Variants in ITGAV observed in about 807,000 individuals in gnomAD.
The protein encoded by ITGAV is integrin subunit alpha V, also known as integrin alpha-V.
In ITGAV, 76 loss-of-function variants were observed where a neutral mutation model predicts 143.8. The observed-to-expected ratio is 0.53, with a 90% confidence interval of 0.44 to 0.64. The LOEUF is 0.64. ITGAV is among the 30% of genes least tolerant of loss of function. ITGAV has a pLI of 0.00. For missense variants in ITGAV, 1,193 were observed against 1,274.7 expected, an observed-to-expected ratio of 0.94 and a Z score of 0.98; for synonymous variants, 453 against 446.7, an observed-to-expected ratio of 1.01 and a Z score of -0.18.
chr2:186,604,234 A>G (rs770313509), intron 2 of ITGAV, among the ~76,000 whole-genome samples: 4 of 151,898 alleles, frequency 2.6e-5, no homozygotes, highest in Non-Finnish European at 5.9e-5. Flanking sequence ...CTATATATGT[A>G]TGCATCCTTG....
In ITGAV at chr2:186,677,360, T is replaced by A; in HGVS notation, c.*68T>A. The A allele has an allele frequency of 8.2e-7, 1 of 1,220,848 alleles. No homozygotes were observed. The highest frequency in any genetic ancestry group is 1.3e-5 in the South Asian group (1 of 76,172). 75.6% of individuals were successfully genotyped at this position (1,220,848 alleles called of 1,614,324 possible). ...AGCAACTTTATTATAGATTTAAACT[T>A]TCTTCATGAGGAGTAAAAATCCAAG... On this transcript the variant is annotated 3_prime_UTR_variant, in exon 30 of 30. Coordinates refer to ENST00000261023, the MANE Select transcript of ITGAV (RefSeq NM_002210.5).
rs201615664 is a variant in ITGAV at position 186,633,304 on chromosome 2, C to A, written c.586-25C>A. On this transcript the variant is annotated intron_variant, in intron 5 of 29. Coordinates refer to ENST00000261023, the MANE Select transcript of ITGAV (RefSeq NM_002210.5). ...AGATATTTGTTCTTTAAATATATAT[C>A]TTTTTGTTGTGTGATTTCATCTAGG... 186 of 1,506,912 alleles carry A rather than the reference C, an allele frequency of 1.2e-4. 2 individuals carry two copies. In the East Asian group the frequency reaches 3.7e-3, roughly 30 times the overall value. The allele number at this position is 1,506,912 out of a possible 1,614,324, so 93.3% of individuals were successfully genotyped here.
rs1686608691 is a variant in ITGAV at position 186,591,299 on chromosome 2, G to A, written c.185+776G>A. Reference sequence around the variant, plus strand: ...AGTTGCCAACGTTCCGCGTTGCAAGGGCCGTCAGGATTTATAACAGTTATT... The same window carrying A: ...AGTTGCCAACGTTCCGCGTTGCAAGAGCCGTCAGGATTTATAACAGTTATT... On this transcript the variant is annotated intron_variant, in intron 1 of 29. Coordinates refer to ENST00000261023, the MANE Select transcript of ITGAV (RefSeq NM_002210.5). Among the ~76,000 whole-genome samples, 4 of 152,212 alleles carry A rather than the reference G, an allele frequency of 2.6e-5. No individual in the cohort carries two copies. In the South Asian group the frequency reaches 8.3e-4, roughly 32 times the overall value.
At chr2:186,664,783 A>G in intron 20 of ITGAV, 142 bp downstream of exon 20, 1 of 1,020,528 alleles carries the variant, frequency 9.8e-7, no homozygotes, top group Non-Finnish European at 1.4e-6. Flanking sequence ...CCTATCTTAC[A>G]TAATTCCTTT....
chr2:186,653,313 T>C (rs908593899), intron 15 of ITGAV, among the ~76,000 whole-genome samples: 3 of 152,146 alleles, frequency 2.0e-5, no homozygotes, highest in Non-Finnish European at 2.9e-5. Context: ...AATATAAATA[T>C]AAAACTAATG....
At chr2:186,590,609 G>A in intron 1 of ITGAV, 86 bp downstream of exon 1, 2 of 1,239,498 alleles carry the variant, frequency 1.6e-6, no homozygotes, top group South Asian at 1.5e-5. Context: ...ATTGATTTCC[G>A]AGAGATCCCG....
Position 186,680,738 on chromosome 2 carries a change from A to G in ITGAV, c.*3446A>G, listed in dbSNP as rs1689328563. 1 of 152,644 alleles carries G rather than the reference A, an allele frequency of 6.6e-6. No individual in the cohort carries two copies. The highest frequency in any genetic ancestry group is 1.5e-5 in the Non-Finnish European group (1 of 68,026). The allele number at this position is 152,644 out of a possible 1,614,324, so 9.5% of individuals were successfully genotyped here. ...TTTGCTACCTAATAACATAGAAAGT[A>G]AATATCTTTGTGGTCACCCACATTG... On this transcript the variant is annotated 3_prime_UTR_variant, in exon 30 of 30. Coordinates refer to ENST00000261023, the MANE Select transcript of ITGAV (RefSeq NM_002210.5).
intron 17 of ITGAV, among the ~76,000 whole-genome samples, chr2:186,656,930 TC>T (rs1390835631): frequency 6.6e-6 from 1 of 151,508 alleles, no homozygotes. Context: ...AGGGGAGCAA[TC>T]CAGTATGGGC....
chr2:186,674,598 G>GC (rs944771111), intron 26 of ITGAV, among the ~76,000 whole-genome samples: 1 of 151,586 alleles, frequency 6.6e-6, no homozygotes, highest in Non-Finnish European at 1.5e-5. Context: ...TGCAACTTCT[G>GC]CCCCCCAGGT....
At chr2:186,597,663 T>C (rs1686782512) in intron 1 of ITGAV, among the ~76,000 whole-genome samples, 1 of 152,162 alleles carries the variant, frequency 6.6e-6, no homozygotes, top group Non-Finnish European at 1.5e-5. Flanking sequence ...TACCAGTCCA[T>C]AGCCTGTTAG....
intron 24 of ITGAV, chr2:186,668,478 A>T: frequency 3.2e-6 from 1 of 311,040 alleles, no homozygotes; most frequent in Non-Finnish European, 6.0e-6. Context: ...ACCTCAAGAG[A>T]TCCGCCCGCC....
intron 12 of ITGAV, among the ~76,000 whole-genome samples, chr2:186,646,011 T>TTAAG (rs1378556818): frequency 1.2e-4 from 18 of 151,792 alleles, no homozygotes; most frequent in Non-Finnish European, 2.9e-5. Flanking sequence ...AAAAGGCTGT[T>TTAAG]TAAGTGCAAA....
intron 2 of ITGAV, among the ~76,000 whole-genome samples, chr2:186,617,390 G>A (rs1687394549): frequency 6.6e-6 from 1 of 152,200 alleles, no homozygotes; most frequent in South Asian, 2.1e-4. Flanking sequence ...AAAAGAGTTG[G>A]CTGCTAATAA....
chr2:186,633,198 A>G (rs1042034548), intron 5 of ITGAV, 131 bp from the exon 6 acceptor site: 6 of 384,702 alleles, frequency 1.6e-5, no homozygotes, highest in African/African-American at 1.1e-4. Flanking sequence ...TGGTAATGAT[A>G]TAAAGATACA....
chr2:186,590,132 C>T lies in ITGAV; in HGVS notation c.-207C>T, dbSNP rs561384623. 4.4e-5 allele frequency: 19 copies of T among 434,130 alleles called. No individual in the cohort carries two copies. Among genetic ancestry groups the T allele is most frequent in the African/African-American group, 3.3e-4 (16 of 48,152 alleles). 26.9% of individuals were successfully genotyped at this position (434,130 alleles called of 1,614,324 possible). A position where few individuals can be genotyped will look rare whatever the true frequency, so the allele number is the denominator to read the frequency against. The stretch of plus-strand genomic sequence containing the variant: ...GGACCGTCTGCGCTGCTGTCCCCGC[C>T]CCGCGCGCTCTGCGCCCCTCGTCCC... On this transcript the variant is annotated 5_prime_UTR_variant, in exon 1 of 30. Coordinates refer to ENST00000261023, the MANE Select transcript of ITGAV (RefSeq NM_002210.5).
At chr2:186,656,808 G>A (rs1472891257) in intron 17 of ITGAV, among the ~76,000 whole-genome samples, 1 of 152,180 alleles carries the variant, frequency 6.6e-6, no homozygotes, top group Admixed American at 6.5e-5. Context: ...GAGAGGGCAG[G>A]TGGTAATTGC....
Position 186,675,636 on chromosome 2 carries a change from C to T in ITGAV, c.2739C>T (p.Val913=), listed in dbSNP as rs1689185992. 6.2e-7 allele frequency: 1 copy of T among 1,614,000 alleles called. No homozygotes were observed. The highest frequency in any genetic ancestry group is 8.5e-7 in the Non-Finnish European group (1 of 1,179,918). ...GAGTTGCTCAGTGCTTGAAGATTGT[C>T]TGCCAAGTTGGGAGATTAGACAGAG... The part of the protein sequence containing the change: ...GCGVAQCLKI[V]CQVGRLDRGK... Residue 913 remains valine (V), a synonymous_variant, in exon 27 of 30, where the codon GTC becomes GTT. Coordinates refer to ENST00000261023, the MANE Select transcript of ITGAV (RefSeq NM_002210.5).
intron 29 of ITGAV, 65 bp from the exon 30 acceptor site, chr2:186,677,132 C>T: frequency 6.9e-7 from 1 of 1,441,124 alleles, no homozygotes; most frequent in African/African-American, 1.4e-5. Flanking sequence ...ATATAGTCAC[C>T]CAAAAAATAC....
chr2:186,592,067 G>A (rs1417137422), intron 1 of ITGAV, among the ~76,000 whole-genome samples: 2 of 152,110 alleles, frequency 1.3e-5, no homozygotes, highest in African/African-American at 4.8e-5. Flanking sequence ...TTGCTCCCAA[G>A]GGTTCAATGT....
Sources: gnomAD v4.1 joint callset for allele counts (sites outside exome capture counted in the v4.1 genomes callset) on GRCh38, gnomAD v4.1.1 for gene constraint, MANE v1.5 for transcripts, NCBI Gene and HGNC (gene_info 2026-07-23, HGNC 2026-07-21) for gene names.